Variants in CDH8 observed in about 807,000 individuals in gnomAD.
CDH8 encodes the protein cadherin 8.
CDH8 carries 17 observed loss-of-function variants against 68.1 expected under a neutral mutation model. That is an observed-to-expected ratio of 0.25 (90% CI 0.17 to 0.37). CDH8 has a LOEUF of 0.37. CDH8 is among the 10% of genes least tolerant of loss of function. CDH8 has a pLI of 1.00. For missense variants in CDH8, 763 were observed against 999.3 expected (o/e 0.76, Z 3.19); for synonymous variants, 372 against 365.1 (o/e 1.02, Z -0.21).
chr16:62,027,311 C>T lies in CDH8; in HGVS notation c.-199-5709G>A, dbSNP rs1425398309. On this transcript the variant is annotated intron_variant, in intron 1 of 11. Coordinates refer to ENST00000577390, the MANE Select transcript of CDH8 (RefSeq NM_001796.5). Reference sequence around the variant, plus strand: ...GATTCCAACATTATTTTAAGATGAACTCAGTCAAGTCACGGATATATAAGT... The same window carrying T: ...GATTCCAACATTATTTTAAGATGAATTCAGTCAAGTCACGGATATATAAGT... Among the ~76,000 whole-genome samples the T allele has an allele frequency of 2.6e-5, 4 of 152,288 alleles. No homozygotes were observed. In the East Asian group the frequency reaches 5.8e-4, roughly 22 times the overall value.
At chr16:61,673,268 C>T (rs1181876165) in intron 10 of CDH8, among the ~76,000 whole-genome samples, 3 of 151,994 alleles carry the variant, frequency 2.0e-5, no homozygotes, top group African/African-American at 7.2e-5. Context: ...CCTTTTCTTC[C>T]TCACAGAATT....
At position 61,807,811 on chromosome 16, in the gene CDH8, T is replaced by C. The variant is rs371337187; in HGVS notation, c.1277+9668A>G. ...CACTGATTCCAAAGGAAACTACTAG[T>C]TTGGGCCAAGTTTTGGCTTGGATTG... On this transcript the variant is annotated intron_variant, in intron 7 of 11. Transcript: ENST00000577390. Among the ~76,000 whole-genome samples, 16 of 152,316 alleles carry C rather than the reference T, an allele frequency of 1.1e-4. No individual in the cohort carries two copies. The East Asian group carries it at 2.7e-3, about 26-fold the overall frequency.
intron 8 of CDH8, among the ~76,000 whole-genome samples, chr16:61,760,692 A>G (rs1376491179): frequency 6.6e-6 from 1 of 152,216 alleles, no homozygotes; most frequent in Admixed American, 6.5e-5. Context: ...AATAGAGGCT[A>G]AAACTAAAAT....
At chr16:61,795,847 T>A (rs1356927489) in intron 7 of CDH8, among the ~76,000 whole-genome samples, 1 of 152,086 alleles carries the variant, frequency 6.6e-6, no homozygotes, top group African/African-American at 2.4e-5. Flanking sequence ...AGCAAAGAGA[T>A]GAGAAGCTAT....
chr16:61,774,120 T>C (rs2142989428), intron 8 of CDH8, among the ~76,000 whole-genome samples: 1 of 152,178 alleles, frequency 6.6e-6, no homozygotes, highest in African/African-American at 2.4e-5. Context: ...CTTTGCTGCT[T>C]TGTAACCTGC....
In CDH8 at chr16:61,882,403, T is replaced by C. The variant is rs536295910; in HGVS notation, c.547+18776A>G. Among the ~76,000 whole-genome samples the C allele has an allele frequency of 4.7e-4, 72 of 152,382 alleles. 1 individual carries two copies. The highest frequency in any genetic ancestry group is 1.6e-3 in the African/African-American group (66 of 41,600). On this transcript the variant is annotated intron_variant, in intron 3 of 11. Transcript: ENST00000577390. ...GTTTTCCATTTTGCAGATATCCCTC[T>C]TTTAGCTATGAAGAAGAGCCCCCGC...
chr16:61,703,146 T>C (rs1964464097), intron 10 of CDH8, among the ~76,000 whole-genome samples: 1 of 152,170 alleles, frequency 6.6e-6, no homozygotes, highest in Non-Finnish European at 1.5e-5. Context: ...AAAAAACTAT[T>C]TCACAAGAAA....
chr16:61,801,799 T>C (rs1961646460), intron 7 of CDH8, among the ~76,000 whole-genome samples: 1 of 152,236 alleles, frequency 6.6e-6, no homozygotes, highest in African/African-American at 2.4e-5. Flanking sequence ...ATCCCACACC[T>C]GGCTCGGAGG....
At chr16:61,905,889 CGTCTTGAAA>C (rs1964052566) in intron 2 of CDH8, among the ~76,000 whole-genome samples, 1 of 150,292 alleles carries the variant, frequency 6.7e-6, no homozygotes, top group South Asian at 2.1e-4. Flanking sequence ...AGCAAGACTC[CGTCTTGAAA>C]AAAAAGAAAA....
At chr16:61,948,438 C>T (rs1288005920) in intron 2 of CDH8, among the ~76,000 whole-genome samples, 1 of 152,146 alleles carries the variant, frequency 6.6e-6, no homozygotes, top group East Asian at 1.9e-4. Flanking sequence ...AACCAGAATA[C>T]AATGAGGGCT....
intron 8 of CDH8, among the ~76,000 whole-genome samples, chr16:61,785,072 A>C (rs1961203019): frequency 1.4e-5 from 2 of 145,526 alleles, no homozygotes; most frequent in Non-Finnish European, 3.0e-5. Flanking sequence ...GCAGAAGGCA[A>C]GAAATAACTA....
chr16:61,663,635 G>T (rs972901704), intron 10 of CDH8, among the ~76,000 whole-genome samples: 3 of 151,820 alleles, frequency 2.0e-5, no homozygotes, highest in Non-Finnish European at 4.4e-5. Flanking sequence ...TCAGTTTTAA[G>T]GAACTGAACA....
intron 2 of CDH8, among the ~76,000 whole-genome samples, chr16:61,996,292 C>T (rs558096675): frequency 1.3e-5 from 2 of 152,302 alleles, no homozygotes; most frequent in South Asian, 4.1e-4. Flanking sequence ...GCAACACAGT[C>T]TTGACACCGT....
At chr16:61,877,787 C>A (rs7191480) in intron 3 of CDH8, among the ~76,000 whole-genome samples, 3,797 of 151,842 alleles carry the variant, frequency 0.025, 161 homozygotes, top group African/African-American at 0.087. Flanking sequence ...AATGAATGCA[C>A]GGGGGAAAAA....
intron 2 of CDH8, among the ~76,000 whole-genome samples, chr16:61,963,606 C>A (rs1453217655): frequency 1.3e-5 from 2 of 152,122 alleles, no homozygotes; most frequent in Non-Finnish European, 2.9e-5. Context: ...TAAAAATTAA[C>A]GATAAAGTGA....
intron 2 of CDH8, among the ~76,000 whole-genome samples, chr16:62,002,216 T>G (rs1249677373): frequency 6.6e-6 from 1 of 152,212 alleles, no homozygotes; most frequent in Non-Finnish European, 1.5e-5. Flanking sequence ...TAAATTAATC[T>G]GTAGAATGCA....
intron 8 of CDH8, among the ~76,000 whole-genome samples, chr16:61,758,653 G>T (rs966783399): frequency 3.9e-5 from 6 of 152,058 alleles, no homozygotes; most frequent in Non-Finnish European, 7.4e-5. Context: ...GGCTGTTCTT[G>T]AACTCCTGAC....
intron 8 of CDH8, among the ~76,000 whole-genome samples, chr16:61,738,061 C>G (rs778211904): frequency 2.2e-4 from 34 of 152,030 alleles, no homozygotes; most frequent in Admixed American, 1.9e-3. Context: ...TAAGTTATAG[C>G]CTTTCTATTA....
chr16:61,900,984 C>G lies in CDH8; in HGVS notation c.547+195G>C, dbSNP rs540031193. The G allele has an allele frequency of 1.5e-5, 8 of 549,494 alleles. No individual in the cohort carries two copies. The South Asian group carries it at 2.3e-4, about 16-fold the overall frequency. The allele number at this position is 549,494 out of a possible 1,614,324, so 34.0% of individuals were successfully genotyped here. A position where few individuals can be genotyped will look rare whatever the true frequency, so the allele number is the denominator to read the frequency against. The stretch of plus-strand genomic sequence containing the variant: ...GGAAAGATATTTTAATAAAATTGCT[C>G]TTCCATCAGTTCCTGTTACTAAGGG... On this transcript the variant is annotated intron_variant, in intron 3 of 11. Transcript: ENST00000577390.
Sources: allele counts gnomAD v4.1 joint callset (sites outside exome capture counted in the v4.1 genomes callset), GRCh38; gene constraint gnomAD v4.1.1; transcripts MANE v1.5; gene names NCBI Gene and HGNC (gene_info 2026-07-23, HGNC 2026-07-21).